The following EIPR1 variants were observed in gnomAD, a reference collection of about 807,000 sequenced individuals.
EIPR1 encodes EARP complex and GARP complex interacting protein 1, also known as EARP and GARP complex-interacting protein 1.
Under a neutral mutation model 48.1 loss-of-function variants are expected in EIPR1, and 25 were observed. That is an observed-to-expected ratio of 0.52 (90% confidence interval 0.38 to 0.73). The LOEUF is 0.73. Among genes scored for constraint, EIPR1 ranks in the 30% least tolerant of loss-of-function variants. The pLI is 0.00. For synonymous variants in EIPR1, 204 were observed against 201.9 expected, an observed-to-expected ratio of 1.01 and a Z score of -0.09; for missense variants, 415 against 506.2, an observed-to-expected ratio of 0.82 and a Z score of 1.73.
intron 3 of EIPR1, among the ~76,000 whole-genome samples, chr2:3,309,802 C>T (rs1378598787): frequency 6.6e-6 from 1 of 152,194 alleles, no homozygotes; most frequent in African/African-American, 2.4e-5. Context: ...TCCTTCTGTT[C>T]TAACACCCCC....
chr2:3,341,580 G>A (rs949363107), intron 2 of EIPR1, among the ~76,000 whole-genome samples: 22 of 151,798 alleles, frequency 1.4e-4, no homozygotes, highest in African/African-American at 5.3e-4. Flanking sequence ...GGCAGGTGCA[G>A]GTGTGTATGT....
chr2:3,199,615 G>A (rs991891229), intron 5 of EIPR1, among the ~76,000 whole-genome samples: 1 of 152,208 alleles, frequency 6.6e-6, no homozygotes, highest in Non-Finnish European at 1.5e-5. Flanking sequence ...TATCTGGGCA[G>A]AAGCGAGGAG....
intron 4 of EIPR1, among the ~76,000 whole-genome samples, chr2:3,240,884 T>C (rs374107980): frequency 2.4e-5 from 2 of 82,738 alleles, no homozygotes; most frequent in African/African-American, 4.1e-5. Flanking sequence ...AGCCAGAAGA[T>C]CCTTCCTAAA....
intron 4 of EIPR1, among the ~76,000 whole-genome samples, chr2:3,248,180 T>G (rs571739989): frequency 4.6e-5 from 7 of 152,100 alleles, no homozygotes; most frequent in Admixed American, 1.3e-4. Flanking sequence ...GGGTGTGGTG[T>G]CTCACGCCTG....
At chr2:3,293,494 C>T (rs780985017) in intron 3 of EIPR1, among the ~76,000 whole-genome samples, 7 of 152,226 alleles carry the variant, frequency 4.6e-5, no homozygotes, top group Non-Finnish European at 1.0e-4. Flanking sequence ...TCCTGGCACC[C>T]AGACAGCCGT....
chr2:3,215,553 G>C (rs1433162986), intron 4 of EIPR1, among the ~76,000 whole-genome samples: 1 of 152,178 alleles, frequency 6.6e-6, no homozygotes, highest in Non-Finnish European at 1.5e-5. Context: ...AAGGGACCAA[G>C]AATTTTTCAA....
At chr2:3,239,511 T>C (rs1304215888) in intron 4 of EIPR1, among the ~76,000 whole-genome samples, 1 of 152,222 alleles carries the variant, frequency 6.6e-6, no homozygotes, top group Non-Finnish European at 1.5e-5. Flanking sequence ...ATCCGTCTTC[T>C]GATTTGGCCA....
intron 4 of EIPR1, among the ~76,000 whole-genome samples, chr2:3,250,506 G>A (rs1038832358): frequency 1.3e-5 from 2 of 152,158 alleles, no homozygotes; most frequent in Non-Finnish European, 2.9e-5. Flanking sequence ...TTTGAGTTGG[G>A]GCTGGAACAA....
intron 3 of EIPR1, among the ~76,000 whole-genome samples, chr2:3,271,515 A>G (rs1481050631): frequency 4.6e-5 from 7 of 152,184 alleles, no homozygotes; most frequent in Non-Finnish European, 1.0e-4. Flanking sequence ...TGAAAACAAC[A>G]TTTGTTTCTT....
rs557910786 is a variant in EIPR1 at position 3,313,537 on chromosome 2, T to C, written c.259+24480A>G. 5.9e-5 allele frequency among the ~76,000 whole-genome samples: 9 copies of C among 152,266 alleles called. No homozygotes were observed. The South Asian group carries it at 1.9e-3, about 32-fold the overall frequency. ...TGGACTCCCACAAGTATTATTCCCA[T>C]TTATGTGGACATAAACGGGCTTCGA... is the stretch of plus-strand genomic sequence containing the variant. On this transcript the variant is annotated intron_variant, in intron 3 of 8. Transcript: ENST00000382125.
chr2:3,254,669 T>C (rs1312957676), intron 4 of EIPR1, among the ~76,000 whole-genome samples: 1 of 152,134 alleles, frequency 6.6e-6, no homozygotes, highest in Non-Finnish European at 1.5e-5. Flanking sequence ...AGAGATAGAG[T>C]ACAGATTCGG....
At chr2:3,250,959 T>C (rs1378110397) in intron 4 of EIPR1, among the ~76,000 whole-genome samples, 1 of 152,104 alleles carries the variant, frequency 6.6e-6, no homozygotes, top group Admixed American at 6.5e-5. Flanking sequence ...TTTTAATAAA[T>C]TATCCAGTCT....
In EIPR1 at chr2:3,226,145, G is replaced by A. The variant is rs541700236; in HGVS notation, c.417-11897C>T. 2.0e-5 allele frequency among the ~76,000 whole-genome samples: 3 copies of A among 152,316 alleles called. No homozygotes were observed. In the South Asian group the frequency reaches 6.2e-4, roughly 32 times the overall value. On this transcript the variant is annotated intron_variant, in intron 4 of 8. Transcript: ENST00000382125. Reference sequence around the variant, plus strand: ...TGAGCTAATGATTTCATTTCCTTTGGATATATACCCAGAATGGGACTGCTG... The same window carrying A: ...TGAGCTAATGATTTCATTTCCTTTGAATATATACCCAGAATGGGACTGCTG...
chr2:3,257,522 C>A (rs569276306), intron 3 of EIPR1, 67 bp from the exon 4 acceptor site: 28 of 1,569,680 alleles, frequency 1.8e-5, no homozygotes, highest in Admixed American at 1.7e-4. Context: ...GCAGACAGCA[C>A]ACGCACATTT....
chr2:3,231,670 A>G (rs1666247873), intron 4 of EIPR1, among the ~76,000 whole-genome samples: 1 of 152,204 alleles, frequency 6.6e-6, no homozygotes, highest in Non-Finnish European at 1.5e-5. Context: ...GCATCCTTGC[A>G]TCTGAGGGAC....
intron 2 of EIPR1, among the ~76,000 whole-genome samples, chr2:3,340,874 A>G (rs1670218302): frequency 6.6e-6 from 1 of 152,132 alleles, no homozygotes; most frequent in Admixed American, 6.5e-5. Flanking sequence ...AGATGGGTAG[A>G]TCACCTGAGG....
chr2:3,269,607 TCAATCATCA>T (rs1283826442), intron 3 of EIPR1, among the ~76,000 whole-genome samples: 1 of 108,334 alleles, frequency 9.2e-6, no homozygotes, highest in Non-Finnish European at 1.8e-5. Context: ...TCAATCGCAC[TCAATCATCA>T]CAATCATCGC....
intron 4 of EIPR1, among the ~76,000 whole-genome samples, chr2:3,215,250 AGAG>A (rs1246614165): frequency 6.6e-6 from 1 of 152,194 alleles, no homozygotes; most frequent in Non-Finnish European, 1.5e-5. Flanking sequence ...ATGGAGGCAG[AGAG>A]GAGAAGATGA....
intron 1 of EIPR1, among the ~76,000 whole-genome samples, chr2:3,361,164 A>T (rs1670842779): frequency 1.3e-5 from 2 of 152,188 alleles, no homozygotes; most frequent in South Asian, 4.1e-4. Flanking sequence ...AAGCCCTAAC[A>T]CACATTCATT....
Sources: gnomAD v4.1 joint callset for allele counts (sites outside exome capture counted in the v4.1 genomes callset) on GRCh38, gnomAD v4.1.1 for gene constraint, MANE v1.5 for transcripts, NCBI Gene and HGNC (gene_info 2026-07-23, HGNC 2026-07-21) for gene names.